NCAM2: variants seen among roughly 807,000 people sequenced by gnomAD.
The protein encoded by NCAM2 is neural cell adhesion molecule 2, also known as N-CAM-2.
Under a neutral mutation model 98.1 loss-of-function variants are expected in NCAM2, and 30 were observed. The ratio of observed to expected loss-of-function variants is 0.31; its 90% confidence interval spans 0.23 to 0.41. The LOEUF (loss-of-function observed/expected upper bound fraction) is 0.41. NCAM2 is among the 10% of genes least tolerant of loss of function. The pLI, the probability that NCAM2 is intolerant of heterozygous loss-of-function variation, is 1.00. For synonymous variants in NCAM2, 368 were observed against 342.4 expected, an observed-to-expected ratio of 1.07 and a Z score of -0.83; for missense variants, 867 against 1,005.8, an observed-to-expected ratio of 0.86 and a Z score of 1.87.
intron 9 of NCAM2, among the ~76,000 whole-genome samples, chr21:21,377,789 G>A (rs1295281554): frequency 2.0e-5 from 3 of 151,642 alleles, no homozygotes; most frequent in Non-Finnish European, 4.4e-5. Flanking sequence ...TATTTCTCCT[G>A]TCTATCTGCC....
intron 1 of NCAM2, among the ~76,000 whole-genome samples, chr21:21,206,908 A>G (rs538161724): frequency 3.3e-5 from 5 of 152,252 alleles, no homozygotes; most frequent in African/African-American, 1.2e-4. Context: ...TAAATTATGT[A>G]TTATTAAAAC....
intron 14 of NCAM2, among the ~76,000 whole-genome samples, chr21:21,475,520 C>T (rs1339948757): frequency 1.3e-5 from 2 of 152,156 alleles, no homozygotes; most frequent in East Asian, 3.8e-4. Flanking sequence ...GGCTTTTTAG[C>T]ATAGCTGCCC....
At chr21:21,182,561 A>T (rs2068515108) in intron 1 of NCAM2, among the ~76,000 whole-genome samples, 2 of 152,282 alleles carry the variant, frequency 1.3e-5, no homozygotes, top group African/African-American at 4.8e-5. Flanking sequence ...CATGGTACTG[A>T]ATAACATCTA....
At chr21:21,432,038 C>A in intron 11 of NCAM2, 70 bp from the exon 12 acceptor site, 1 of 1,417,714 alleles carries the variant, frequency 7.1e-7, no homozygotes, top group Admixed American at 2.0e-5. Flanking sequence ...GTTCTCATAA[C>A]ACCATAAGCC....
chr21:21,428,972 G>A (rs2077271865), intron 11 of NCAM2, among the ~76,000 whole-genome samples: 1 of 152,172 alleles, frequency 6.6e-6, no homozygotes, highest in African/African-American at 2.4e-5. Context: ...ATGTGTGTTT[G>A]TAAAGTGTTT....
intron 1 of NCAM2, among the ~76,000 whole-genome samples, chr21:21,265,159 CT>C (rs2072170567): frequency 9.6e-6 from 1 of 103,832 alleles, no homozygotes; most frequent in Non-Finnish European, 1.8e-5. Flanking sequence ...TACATATATA[CT>C]TATATATATT....
chr21:21,542,267 A>G lies in NCAM2; in HGVS notation c.*4310A>G, dbSNP rs568485399. ...ACCCATGTAGATGCAGCTATTTACA[A>G]TTATACAAGAATGCGAATAGATTAA... On this transcript the variant is annotated 3_prime_UTR_variant, in exon 18 of 18. Transcript: ENST00000400546. 2.0e-5 allele frequency: 3 copies of G among 151,926 alleles called. No homozygotes were observed. Among genetic ancestry groups the G allele is most frequent in the South Asian group, 2.1e-4 (1 of 4,830 alleles). 9.4% of individuals were successfully genotyped at this position (151,926 alleles called of 1,614,324 possible).
chr21:21,172,798 T>G (rs930420910), intron 1 of NCAM2, among the ~76,000 whole-genome samples: 2 of 152,128 alleles, frequency 1.3e-5, no homozygotes. Flanking sequence ...TTGGCTGAGA[T>G]TTTTCTTAAA....
intron 15 of NCAM2, among the ~76,000 whole-genome samples, chr21:21,484,422 ATTCTATTT>A (rs1986168523): frequency 6.6e-6 from 1 of 151,548 alleles, no homozygotes; most frequent in African/African-American, 2.4e-5. Context: ...TTTCATTCTT[ATTCTATTT>A]TCAAAAACAA....
At chr21:21,520,033 T>A (rs1291396481) in intron 16 of NCAM2, among the ~76,000 whole-genome samples, 1 of 152,144 alleles carries the variant, frequency 6.6e-6, no homozygotes, top group African/African-American at 2.4e-5. Context: ...CAATTTAAAT[T>A]ACTATATATC....
chr21:21,082,645 G>A (rs1227829351), intron 1 of NCAM2, among the ~76,000 whole-genome samples: 1 of 152,170 alleles, frequency 6.6e-6, no homozygotes, highest in Admixed American at 6.5e-5. Context: ...TGCATGTAGA[G>A]GGTACTTTGG....
intron 1 of NCAM2, among the ~76,000 whole-genome samples, chr21:21,088,950 G>T (rs1279714249): frequency 6.7e-6 from 1 of 149,058 alleles, no homozygotes; most frequent in African/African-American, 2.5e-5. Context: ...CAGCCTGGGC[G>T]ACAGAGCGAA....
chr21:21,126,001 A>G (rs1235185449), intron 1 of NCAM2, among the ~76,000 whole-genome samples: 1 of 151,796 alleles, frequency 6.6e-6, no homozygotes, highest in African/African-American at 2.4e-5. Context: ...CATTTAAGCC[A>G]GAGAATTACT....
chr21:21,088,731 G>A (rs920199111), intron 1 of NCAM2, among the ~76,000 whole-genome samples: 3 of 152,106 alleles, frequency 2.0e-5, no homozygotes, highest in African/African-American at 4.8e-5. Context: ...GGTGGCTCAC[G>A]CCTGTAATCC....
intron 8 of NCAM2, among the ~76,000 whole-genome samples, chr21:21,346,861 G>C (rs934235728): frequency 1.5e-4 from 23 of 151,740 alleles, no homozygotes; most frequent in Admixed American, 2.0e-4. Flanking sequence ...AAAACCTATG[G>C]GATATAGCAA....
intron 5 of NCAM2, among the ~76,000 whole-genome samples, chr21:21,296,531 A>T (rs1402805566): frequency 6.6e-6 from 1 of 151,764 alleles, no homozygotes; most frequent in East Asian, 1.9e-4. Flanking sequence ...GGTGCAGCTG[A>T]AAAGCAGGTA....
chr21:21,473,349 T>C (rs1984708285), intron 14 of NCAM2, among the ~76,000 whole-genome samples: 1 of 139,538 alleles, frequency 7.2e-6, no homozygotes, highest in Non-Finnish European at 1.5e-5. Context: ...TGCAATTATA[T>C]ATAATATACA....
intron 1 of NCAM2, among the ~76,000 whole-genome samples, chr21:21,083,335 A>G (rs924084641): frequency 1.3e-5 from 2 of 151,982 alleles, no homozygotes; most frequent in African/African-American, 4.8e-5. Flanking sequence ...CAGGGGAGAA[A>G]ACTGAAGTTC....
intron 1 of NCAM2, among the ~76,000 whole-genome samples, chr21:21,073,446 G>C (rs1285729344): frequency 2.6e-5 from 4 of 152,012 alleles, no homozygotes; most frequent in Non-Finnish European, 5.9e-5. Flanking sequence ...CTTGGAGATG[G>C]CCATTTATAA....
Sources: gnomAD v4.1 joint callset for allele counts (sites outside exome capture counted in the v4.1 genomes callset) on GRCh38, gnomAD v4.1.1 for gene constraint, MANE v1.5 for transcripts, NCBI Gene and HGNC (gene_info 2026-07-23, HGNC 2026-07-21) for gene names.